The following MSANTD2 variants were observed in gnomAD, a reference collection of about 807,000 sequenced individuals.
The protein encoded by MSANTD2 is Myb/SANT DNA binding domain containing 2.
MSANTD2 carries 19 observed loss-of-function variants against 52.6 expected under a neutral mutation model. The ratio of observed to expected loss-of-function variants is 0.36; its 90% CI spans 0.25 to 0.53. The LOEUF (loss-of-function observed/expected upper bound fraction) is 0.53. Among genes scored for constraint, MSANTD2 ranks in the 20% least tolerant of loss-of-function variants. MSANTD2 has a pLI of 0.91. For missense variants in MSANTD2, 558 were observed against 716.3 expected (o/e 0.78, Z 2.52); for synonymous variants, 291 against 289.7 (o/e 1.00, Z -0.04).
At chr11:124,772,167 C>T (rs935038905) in intron 3 of MSANTD2, among the ~76,000 whole-genome samples, 1 of 152,192 alleles carries the variant, frequency 6.6e-6, no homozygotes, top group Non-Finnish European at 1.5e-5. Flanking sequence ...CTGCTTTCTT[C>T]TCCAAATGTA....
intron 1 of MSANTD2, among the ~76,000 whole-genome samples, chr11:124,780,044 G>A (rs1336153228): frequency 6.6e-6 from 1 of 152,066 alleles, no homozygotes; most frequent in Non-Finnish European, 1.5e-5. Flanking sequence ...TTAGTTAATT[G>A]AGGCAACGAA....
At chr11:124,772,088 G>A (rs933604581) in intron 3 of MSANTD2, among the ~76,000 whole-genome samples, 1 of 152,176 alleles carries the variant, frequency 6.6e-6, no homozygotes, top group Non-Finnish European at 1.5e-5. Flanking sequence ...TGCTAAACTC[G>A]GGGAAGATCA....
At chr11:124,768,151 A>G (rs1009905157) in intron 3 of MSANTD2, 123 bp from the exon 4 acceptor site, 26 of 840,602 alleles carry the variant, frequency 3.1e-5, no homozygotes, top group Middle Eastern at 3.4e-4. Context: ...TAGAACATGA[A>G]ATGTGGCTGA....
At chr11:124,797,855 C>T (rs989773913) in intron 1 of MSANTD2, among the ~76,000 whole-genome samples, 6 of 152,150 alleles carry the variant, frequency 3.9e-5, no homozygotes, top group African/African-American at 7.2e-5. Context: ...ATCTCCTTTT[C>T]TTGCTTTAAG....
In MSANTD2 at chr11:124,767,903, A is replaced by G. The variant is rs201696556; in HGVS notation, c.953T>C (p.Ile318Thr). 3 of 1,614,132 alleles carry G rather than the reference A, an allele frequency of 1.9e-6. No homozygotes were observed. The highest frequency in any genetic ancestry group is 1.3e-5 in the African/African-American group (1 of 74,944). ...HLSNKLAIFG[I>T]GYNTRWKEDI... The stretch of plus-strand genomic sequence containing the variant: ...CTCTTTCCAACGGGTGTTATAACCA[A>G]TTCCAAAAATGGCCAGTTTATTAGA... The change falls in exon 4 of 4, where the codon ATT becomes ACT. Residue 318 changes from isoleucine to threonine, a missense_variant. Physicochemically the swap from Ile to Thr is moderately conservative, Grantham distance 89. Around this residue, in one of 2 missense-constraint regions of MSANTD2, gnomAD observed 408 missense variants for 573.6 expected, o/e 0.71. Transcript: ENST00000374979. This position sits in a 1 kb window ranked among gnomAD's most constrained non-coding sequence, Gnocchi z 6.5.
chr11:124,782,436 A>C (rs1945013299), intron 1 of MSANTD2, among the ~76,000 whole-genome samples: 1 of 152,162 alleles, frequency 6.6e-6, no homozygotes, highest in African/African-American at 2.4e-5. Context: ...TGGGCAACAG[A>C]GTGAGACCCC....
Position 124,800,309 on chromosome 11 carries a change from G to T in MSANTD2, c.72C>A (p.Ser24=), listed in dbSNP as rs1317674239. 1 of 1,566,744 alleles carries T rather than the reference G, an allele frequency of 6.4e-7. No individual in the cohort carries two copies. Among genetic ancestry groups the T allele is most frequent in the Non-Finnish European group, 8.6e-7 (1 of 1,159,058 alleles). The change falls in exon 1 of 4, where the codon TCC becomes TCA. Residue 24 remains serine, a synonymous_variant. Coordinates refer to ENST00000374979, the MANE Select transcript of MSANTD2 (RefSeq NM_001308027.2). This position sits in a 1 kb window ranked among gnomAD's most constrained non-coding sequence, Gnocchi z 4.3. ...CGCTCAGGCCACCAGGAGAAGCCGG[G>T]GAAAGCACCTCCATCTTCGGAATTT... The part of the protein sequence containing the change: ...PLKIPKMEVL[S]PASPGGLSDG...
intron 1 of MSANTD2, chr11:124,778,950 C>G (rs1196760893): frequency 6.6e-6 from 1 of 152,028 alleles, no homozygotes; most frequent in African/African-American, 2.4e-5. Context: ...AGAGAAAGAC[C>G]CAGGGTTACA....
intron 1 of MSANTD2, chr11:124,784,318 C>T: frequency 1.0e-6 from 1 of 985,236 alleles, no homozygotes; most frequent in Non-Finnish European, 1.2e-6. Flanking sequence ...TTCAGATACA[C>T]TAAAAATGAT....
chr11:124,767,148 G>A lies in MSANTD2; in HGVS notation c.*28C>T. On this transcript the variant is annotated 3_prime_UTR_variant, in exon 4 of 4. Coordinates refer to ENST00000374979, the MANE Select transcript of MSANTD2 (RefSeq NM_001308027.2). The surrounding 1 kb of genome is among the most constrained non-coding windows in gnomAD (Gnocchi z 6.5). ...AAGTGAGTAGAGAAGAAGGAGCTAA[G>A]AGCCCAAATCCTTATGAAGGATGAC... 1 of 1,556,650 alleles carries A rather than the reference G, an allele frequency of 6.4e-7. No individual in the cohort carries two copies. Among genetic ancestry groups the A allele is most frequent in the Non-Finnish European group, 8.7e-7 (1 of 1,155,368 alleles).
chr11:124,770,320 T>TG (rs1565449423), intron 3 of MSANTD2, among the ~76,000 whole-genome samples: 1 of 151,714 alleles, frequency 6.6e-6, no homozygotes, highest in East Asian at 1.9e-4. Flanking sequence ...GTTTGTTTTT[T>TG]TTTTTTTGGA....
chr11:124,791,599 T>C lies in MSANTD2; in HGVS notation c.510+8272A>G, dbSNP rs113597066. On this transcript the variant is annotated intron_variant, in intron 1 of 3. Transcript: ENST00000374979. ...GCCAGTCTCCGAGGAGTAAGCCCGC[T>C]GCCCAATATCAGTGGGATCGGCAGC... 5.5e-6 allele frequency: 8 copies of C among 1,465,294 alleles called. No homozygotes were observed. The East Asian group carries it at 1.1e-4, about 21-fold the overall frequency. 90.8% of individuals were successfully genotyped at this position (1,465,294 alleles called of 1,614,324 possible). A position where few individuals can be genotyped will look rare whatever the true frequency, so the allele number is the denominator to read the frequency against.
At chr11:124,785,722 A>C (rs1391661808) in intron 1 of MSANTD2, among the ~76,000 whole-genome samples, 1 of 152,130 alleles carries the variant, frequency 6.6e-6, no homozygotes, top group Non-Finnish European at 1.5e-5. Flanking sequence ...CATTCCTGGA[A>C]GAGGGATCTG....
chr11:124,800,093 G>C lies in MSANTD2; in HGVS notation c.288C>G (p.Ala96=). Residue 96 remains alanine, a synonymous_variant, in exon 1 of 4, where the codon GCC becomes GCG. Transcript: ENST00000374979. This position sits in a 1 kb window ranked among gnomAD's most constrained non-coding sequence, Gnocchi z 4.3. ...TCCACGACATGCCCCGGCAGGCGGC[G>C]GCGGCGGCTGCCGCAGCCCCGCCAC... ...GGGGGAAAAA[A]AACRGMSWTP... is the part of the protein sequence containing the mutation. 1 of 1,485,310 alleles carries C rather than the reference G, an allele frequency of 6.7e-7. No homozygotes were observed. The highest frequency in any genetic ancestry group is 8.9e-7 in the Non-Finnish European group (1 of 1,127,586). The allele number at this position is 1,485,310 out of a possible 1,614,324, so 92.0% of individuals were successfully genotyped here.
intron 3 of MSANTD2, 34 bp from the exon 4 acceptor site, chr11:124,768,062 TATCTAG>T: frequency 1.3e-6 from 2 of 1,568,486 alleles, no homozygotes; most frequent in East Asian, 4.5e-5. Flanking sequence ...ATTCCCTAAG[TATCTAG>T]AACAGCGGTG....
At chr11:124,785,985 T>C (rs146249513) in intron 1 of MSANTD2, among the ~76,000 whole-genome samples, 3 of 151,940 alleles carry the variant, frequency 2.0e-5, no homozygotes, top group South Asian at 4.2e-4. Flanking sequence ...GGCAAGTCAC[T>C]GTATTTACTT....
chr11:124,788,718 T>C (rs961191797), intron 1 of MSANTD2, among the ~76,000 whole-genome samples: 1 of 152,154 alleles, frequency 6.6e-6, no homozygotes, highest in Non-Finnish European at 1.5e-5. Context: ...TGATGGTTGA[T>C]GAGTAAGAAT....
intron 1 of MSANTD2, among the ~76,000 whole-genome samples, chr11:124,785,907 T>C (rs1184699954): frequency 1.3e-5 from 2 of 151,886 alleles, no homozygotes; most frequent in African/African-American, 4.8e-5. Context: ...GTGTCTTTAA[T>C]GTAAGTTCAT....
intron 1 of MSANTD2, chr11:124,789,984 T>C (rs1442277173): frequency 2.0e-5 from 3 of 152,278 alleles, no homozygotes; most frequent in Non-Finnish European, 4.4e-5. Context: ...AAGAGTTCTT[T>C]AGAGTACTAG....
Sources: gnomAD v4.1 joint callset for allele counts (sites outside exome capture counted in the v4.1 genomes callset) on GRCh38, gnomAD v4.1.1 for gene constraint, gnomAD v4.1.1 regional missense constraint, Gnocchi (gnomAD v3.1) non-coding constraint, MANE v1.5 for transcripts, NCBI Gene and HGNC (gene_info 2026-07-23, HGNC 2026-07-21) for gene names.